FMR1NB: variants seen among roughly 807,000 people sequenced by gnomAD.
The protein encoded by FMR1NB is FMR1 neighbor, also known as FMR1 neighbor protein.
A neutral mutation model predicts 16.8 loss-of-function variants in FMR1NB; 10 were observed. The ratio of observed to expected loss-of-function variants is 0.60; its 90% CI spans 0.37 to 1.01. FMR1NB has a LOEUF of 1.01. Ranked by LOEUF, FMR1NB falls within the 50% of genes least tolerant of loss-of-function variation. FMR1NB has a pLI of 0.01. For missense variants in FMR1NB, 205 were observed against 204.8 expected, an observed-to-expected ratio of 1.00 and a Z score of 0.00; for synonymous variants, 83 against 79.1, an observed-to-expected ratio of 1.05 and a Z score of -0.26.
At chrX:147,995,985 A>G (rs1180835024) in intron 1 of FMR1NB, among the ~76,000 whole-genome samples, 2 of 111,875 alleles carry the variant, frequency 1.8e-5, no homozygotes, top group Non-Finnish European at 3.8e-5. Flanking sequence ...GAAAAAATGA[A>G]GAAATTTCAC....
At chrX:147,985,295 T>G (rs1159862817) in intron 1 of FMR1NB, among the ~76,000 whole-genome samples, 1 of 111,899 alleles carries the variant, frequency 8.9e-6, no homozygotes, top group East Asian at 2.8e-4. Context: ...AGATTTTTTT[T>G]GTTGAAACAT....
intron 1 of FMR1NB, among the ~76,000 whole-genome samples, chrX:147,989,334 G>A (rs1476765938): frequency 1.8e-5 from 2 of 112,088 alleles, no homozygotes; most frequent in South Asian, 3.7e-4. Context: ...AGTGGAGGCT[G>A]CAGAACAGCA....
chrX:147,990,372 G>T (rs1352665229), intron 1 of FMR1NB, among the ~76,000 whole-genome samples: 1 of 111,708 alleles, frequency 9.0e-6, no homozygotes, highest in Non-Finnish European at 1.9e-5. Flanking sequence ...TGGAAATGCA[G>T]AAATCACCCA....
At chrX:148,012,846 A>G (rs1205198819) in intron 4 of FMR1NB, among the ~76,000 whole-genome samples, 1 of 112,144 alleles carries the variant, frequency 8.9e-6, no homozygotes, top group Non-Finnish European at 1.9e-5. Flanking sequence ...TCAATTTCCC[A>G]TGTTTGCATA....
At chrX:148,010,532 A>G (rs782258080) in intron 4 of FMR1NB, among the ~76,000 whole-genome samples, 10 of 111,972 alleles carry the variant, frequency 8.9e-5, no homozygotes, top group Non-Finnish European at 1.9e-4. Context: ...CCTTAGAACG[A>G]TTTCCTTAAC....
chrX:147,999,632 C>T (rs1490920667), intron 1 of FMR1NB, among the ~76,000 whole-genome samples: 3 of 110,627 alleles, frequency 2.7e-5, no homozygotes, highest in African/African-American at 3.3e-5. Context: ...CACTTTTCTT[C>T]ATAGCACTCA....
At chrX:148,018,388 A>G (rs782363888) in intron 4 of FMR1NB, among the ~76,000 whole-genome samples, 1 of 112,078 alleles carries the variant, frequency 8.9e-6, no homozygotes, top group African/African-American at 3.2e-5. Flanking sequence ...CCAAAAGAAC[A>G]AAGCTGGAGG....
chrX:148,025,784 A>G (rs1373785967), intron 5 of FMR1NB: 5 of 112,138 alleles, frequency 4.5e-5, no homozygotes, highest in African/African-American at 1.6e-4. Context: ...AAATGTTTTG[A>G]AAATTGCAAT....
chrX:148,016,537 CT>C (rs1667247962), intron 4 of FMR1NB, among the ~76,000 whole-genome samples: 1 of 111,481 alleles, frequency 9.0e-6, no homozygotes, highest in South Asian at 3.7e-4. Flanking sequence ...TTCTACTTTC[CT>C]TCCTTCCTGT....
At chrX:148,023,390 C>G (rs2044688855) in intron 4 of FMR1NB, among the ~76,000 whole-genome samples, 1 of 111,762 alleles carries the variant, frequency 8.9e-6, no homozygotes, top group African/African-American at 3.3e-5. Context: ...CCACATTTGT[C>G]TTACCTAGTG....
chrX:148,001,674 AG>A (rs1227358676), intron 1 of FMR1NB, among the ~76,000 whole-genome samples: 2 of 110,429 alleles, frequency 1.8e-5, no homozygotes, highest in African/African-American at 6.6e-5. Flanking sequence ...CACTTGAACC[AG>A]GAAGGCGGAG....
At chrX:147,991,373 A>G (rs1271881379) in intron 1 of FMR1NB, among the ~76,000 whole-genome samples, 1 of 108,672 alleles carries the variant, frequency 9.2e-6, no homozygotes, top group Non-Finnish European at 1.9e-5. Context: ...AACCTCCCTT[A>G]TCTCTCCTCA....
intron 4 of FMR1NB, among the ~76,000 whole-genome samples, chrX:148,022,340 C>A (rs1477316087): frequency 8.9e-6 from 1 of 111,788 alleles, no homozygotes; most frequent in African/African-American, 3.3e-5. Flanking sequence ...TGCCTTCTAC[C>A]AACCTCTGAT....
At chrX:147,999,056 T>C (rs2044557628) in intron 1 of FMR1NB, among the ~76,000 whole-genome samples, 1 of 111,007 alleles carries the variant, frequency 9.0e-6, no homozygotes, top group Admixed American at 9.6e-5. Flanking sequence ...ACTTGGAGGG[T>C]TCTCTGAAAG....
At chrX:148,016,386 C>A (rs1392707653) in intron 4 of FMR1NB, among the ~76,000 whole-genome samples, 2 of 111,011 alleles carry the variant, frequency 1.8e-5, no homozygotes, top group African/African-American at 3.3e-5. Context: ...ATGATTGGGT[C>A]TCATTTTTAT....
chrX:147,983,788 T>C (rs1249443656), intron 1 of FMR1NB, among the ~76,000 whole-genome samples: 1 of 112,138 alleles, frequency 8.9e-6, no homozygotes, highest in Non-Finnish European at 1.9e-5. Context: ...TGGAGTCATA[T>C]CTAAGAATCC....
intron 4 of FMR1NB, among the ~76,000 whole-genome samples, chrX:148,010,724 T>G (rs2044619569): frequency 9.0e-6 from 1 of 111,693 alleles, no homozygotes; most frequent in South Asian, 3.8e-4. Flanking sequence ...AAAGCTATTA[T>G]GACTATCTGC....
At chrX:148,014,154 A>G (rs1444580405) in intron 4 of FMR1NB, among the ~76,000 whole-genome samples, 1 of 111,246 alleles carries the variant, frequency 9.0e-6, no homozygotes, top group Non-Finnish European at 1.9e-5. Context: ...TGATATATCT[A>G]ATCCAAGAGA....
In FMR1NB at chrX:147,990,352, G is replaced by A. The variant is rs782551176; in HGVS notation, c.277+8673G>A. Among the ~76,000 whole-genome samples the A allele has an allele frequency of 6.3e-5, 7 of 111,628 alleles. No homozygotes were observed. In the South Asian group the frequency reaches 2.3e-3, roughly 36 times the overall value. On this transcript the variant is annotated intron_variant, in intron 1 of 5. Coordinates refer to ENST00000370467, the MANE Select transcript of FMR1NB (RefSeq NM_152578.3). ...AACCAGTCCCAATGAGATGAACAGG[G>A]TACCTCAGTTGGAAATGCAGAAATC...
Sources: allele counts gnomAD v4.1 joint callset (sites outside exome capture counted in the v4.1 genomes callset), GRCh38; gene constraint gnomAD v4.1.1; transcripts MANE v1.5; gene names NCBI Gene and HGNC (gene_info 2026-07-23, HGNC 2026-07-21).